Variants in PLXDC1 observed in about 807,000 individuals in gnomAD.
The protein encoded by PLXDC1 is plexin domain containing 1.
In PLXDC1, 39 loss-of-function variants were observed where a neutral mutation model predicts 61.3. The observed-to-expected ratio is 0.64, with a 90% confidence interval of 0.49 to 0.83. PLXDC1 has a LOEUF of 0.83. Among genes scored for constraint, PLXDC1 ranks in the 40% least tolerant of loss-of-function variants. The pLI, the probability that PLXDC1 is intolerant of heterozygous loss-of-function variation, is 0.00. For missense variants in PLXDC1, 596 were observed against 666.5 expected (o/e 0.89, Z 1.17); for synonymous variants, 212 against 254.5 (o/e 0.83, Z 1.59).
intron 2 of PLXDC1, among the ~76,000 whole-genome samples, chr17:39,137,060 C>T (rs903255287): frequency 6.6e-6 from 1 of 152,180 alleles, no homozygotes; most frequent in African/African-American, 2.4e-5. Context: ...CAACGTCCAG[C>T]ATGGCAAACA....
intron 7 of PLXDC1, among the ~76,000 whole-genome samples, chr17:39,094,858 G>T (rs987565450): frequency 6.6e-6 from 1 of 152,066 alleles, no homozygotes; most frequent in Non-Finnish European, 1.5e-5. Flanking sequence ...CAGACATGCC[G>T]CCTCCTAAGC....
At chr17:39,134,231 G>T (rs535795142) in intron 2 of PLXDC1, among the ~76,000 whole-genome samples, 2 of 151,338 alleles carry the variant, frequency 1.3e-5, no homozygotes, top group African/African-American at 4.9e-5. Flanking sequence ...TACAGCCTGG[G>T]CGACAGAGCA....
At chr17:39,108,564 T>C (rs1286875920) in intron 4 of PLXDC1, among the ~76,000 whole-genome samples, 1 of 152,062 alleles carries the variant, frequency 6.6e-6, no homozygotes, top group East Asian at 1.9e-4. Flanking sequence ...TAAAGACAGG[T>C]GCCTCCTATC....
intron 2 of PLXDC1, among the ~76,000 whole-genome samples, chr17:39,135,096 G>A (rs16500): frequency 0.068 from 10,355 of 152,220 alleles, 461 homozygotes; most frequent in East Asian, 0.13. Context: ...CATCTGTTCC[G>A]AGGCAGATGT....
At chr17:39,133,773 C>G (rs1435561038) in intron 2 of PLXDC1, among the ~76,000 whole-genome samples, 1 of 152,068 alleles carries the variant, frequency 6.6e-6, no homozygotes, top group African/African-American at 2.4e-5. Context: ...CGTGCACCAC[C>G]ATACCTAGCT....
chr17:39,072,682 G>A (rs1035577118), intron 11 of PLXDC1, 197 bp from the exon 12 acceptor site: 12 of 607,904 alleles, frequency 2.0e-5, no homozygotes, highest in Admixed American at 4.8e-5. Context: ...AAATGAGCGG[G>A]GACTGGTGAG....
At chr17:39,113,670 G>A (rs72823311) in intron 2 of PLXDC1, among the ~76,000 whole-genome samples, 12,910 of 152,080 alleles carry the variant, frequency 0.085, 694 homozygotes, top group Middle Eastern at 0.2. Flanking sequence ...GTGAGACCCT[G>A]TCTCTACAAA....
intron 7 of PLXDC1, among the ~76,000 whole-genome samples, chr17:39,097,334 G>C (rs1910245309): frequency 6.6e-6 from 1 of 152,176 alleles, no homozygotes; most frequent in Admixed American, 6.5e-5. Context: ...AGACCAGATG[G>C]CTCTTCCTGA....
intron 2 of PLXDC1, among the ~76,000 whole-genome samples, chr17:39,133,927 G>A (rs988429118): frequency 6.6e-6 from 1 of 151,722 alleles, no homozygotes; most frequent in Non-Finnish European, 1.5e-5. Context: ...GTGACTGGCT[G>A]ATACACATAA....
intron 2 of PLXDC1, among the ~76,000 whole-genome samples, chr17:39,135,400 G>A (rs505968): frequency 0.08 from 12,234 of 152,276 alleles, 650 homozygotes; most frequent in East Asian, 0.17. Flanking sequence ...TTCCTGGCCA[G>A]GCATGGTGGC....
At chr17:39,121,548 T>A (rs1195670475) in intron 2 of PLXDC1, among the ~76,000 whole-genome samples, 1 of 152,192 alleles carries the variant, frequency 6.6e-6, no homozygotes, top group Non-Finnish European at 1.5e-5. Flanking sequence ...TTCACCAACT[T>A]TGGGGATACT....
chr17:39,104,542 G>A (rs1047097680), intron 7 of PLXDC1, among the ~76,000 whole-genome samples: 2 of 152,184 alleles, frequency 1.3e-5, no homozygotes, highest in Admixed American at 1.3e-4. Context: ...CCAGCACTTT[G>A]GGATGCCAAG....
chr17:39,131,471 G>A (rs1427727964), intron 2 of PLXDC1, among the ~76,000 whole-genome samples: 1 of 151,908 alleles, frequency 6.6e-6, no homozygotes, highest in Non-Finnish European at 1.5e-5. Flanking sequence ...TCCTGCCTCA[G>A]CTTCCCGAGT....
In PLXDC1 at chr17:39,072,465, AG is replaced by A; in HGVS notation, c.1206del (p.Tyr403MetfsTer68). ...CTGTACTCACCGTCTCCTCCTGCAT[AG>A]GGATTCAACTTGGTGTCATCTTCAA... ...LTTEDDTKLNPYAGGDGLQNN... is the reference protein window; with the variant it reads ...LTTEDDTKLNXYAGGDGLQNN... On this transcript the variant is annotated frameshift_variant, in exon 12 of 14. Transcript: ENST00000315392. LOFTEE classifies it high-confidence loss of function. 6.4e-7 allele frequency: 1 copy of A among 1,554,666 alleles called. No individual in the cohort carries two copies. The highest frequency in any genetic ancestry group is 8.7e-7 in the Non-Finnish European group (1 of 1,145,552).
At chr17:39,091,664 G>T (rs1361739623) in intron 7 of PLXDC1, among the ~76,000 whole-genome samples, 1 of 152,096 alleles carries the variant, frequency 6.6e-6, no homozygotes, top group African/African-American at 2.4e-5. Context: ...GGTTGAGAGA[G>T]CAAGGGAGTT....
intron 9 of PLXDC1, among the ~76,000 whole-genome samples, chr17:39,082,686 A>C (rs1356918857): frequency 6.6e-6 from 1 of 152,134 alleles, no homozygotes; most frequent in Non-Finnish European, 1.5e-5. Context: ...AGTTCATAGG[A>C]CTTCCCACTC....
intron 9 of PLXDC1, 57 bp downstream of exon 9, chr17:39,083,402 C>T (rs966617666): frequency 2.9e-5 from 41 of 1,407,368 alleles, no homozygotes; most frequent in Non-Finnish European, 3.5e-5. Flanking sequence ...GGCCATGCCA[C>T]CCTCTTCCCC....
intron 11 of PLXDC1, among the ~76,000 whole-genome samples, chr17:39,074,787 C>T (rs1364288929): frequency 6.6e-6 from 1 of 152,114 alleles, no homozygotes. Context: ...CAGTGCTGGG[C>T]TCAGAACATG....
At position 39,151,477 on chromosome 17, in the gene PLXDC1, C is replaced by G. The variant is rs553727993; in HGVS notation, c.-40G>C. The G allele has an allele frequency of 4.8e-6, 6 of 1,237,690 alleles. No homozygotes were observed. Among genetic ancestry groups the G allele is most frequent in the Non-Finnish European group, 6.1e-6 (6 of 990,060 alleles). 76.7% of individuals were successfully genotyped at this position (1,237,690 alleles called of 1,614,324 possible). ...CCTGCCCCCGGCCTGCTTGCTGCCC[C>G]GGTCCTGACGAGGGAGGGGGCCCTG... On this transcript the variant is annotated 5_prime_UTR_variant, in exon 1 of 14. Transcript: ENST00000315392. The surrounding 1 kb of genome is among the most constrained non-coding windows in gnomAD (Gnocchi z 5.2).
Sources: allele counts gnomAD v4.1 joint callset (sites outside exome capture counted in the v4.1 genomes callset), GRCh38; gene constraint gnomAD v4.1.1; non-coding constraint Gnocchi (gnomAD v3.1); transcripts MANE v1.5; gene names NCBI Gene and HGNC (gene_info 2026-07-23, HGNC 2026-07-21).